The following NCALD variants were observed in gnomAD, a reference collection of about 807,000 sequenced individuals.
NCALD encodes neurocalcin delta, also known as neurocalcin-delta.
A neutral mutation model predicts 18.6 loss-of-function variants in NCALD; 10 were observed. The observed-to-expected ratio is 0.54, with a 90% CI of 0.33 to 0.91. NCALD has a LOEUF of 0.91. Ranked by LOEUF, NCALD falls within the 40% of genes least tolerant of loss-of-function variation. NCALD has a pLI of 0.03. For synonymous variants in NCALD, 88 were observed against 87.4 expected (o/e 1.01, Z -0.04); for missense variants, 184 against 247.6 (o/e 0.74, Z 1.72).
intron 4 of NCALD, among the ~76,000 whole-genome samples, chr8:101,842,635 C>T (rs1814691464): frequency 1.3e-5 from 2 of 152,218 alleles, no homozygotes; most frequent in Non-Finnish European, 2.9e-5. Flanking sequence ...GGGGGCTGTG[C>T]CAGTGATCTT....
rs1286267783 is a variant in NCALD, at chr8:101,774,588, C to T, written c.-20+16274G>A. ...AGGTAGAAAGAGCAAAAGAAAGAGA[C>T]ATATTTAGGTTACAAGGCACAACTT... On this transcript the variant is annotated intron_variant, in intron 1 of 3. Coordinates refer to ENST00000220931, the MANE Select transcript of NCALD (RefSeq NM_032041.3). Among the ~76,000 whole-genome samples, 5 of 152,290 alleles carry T rather than the reference C, an allele frequency of 3.3e-5. No homozygotes were observed. In the East Asian group the frequency reaches 5.8e-4, roughly 18 times the overall value.
chr8:101,986,381 C>A (rs1487570386), intron 2 of NCALD: 1 of 152,284 alleles, frequency 6.6e-6, no homozygotes, highest in African/African-American at 2.4e-5. Context: ...ATGGCTTCGC[C>A]TTGAACTGGT....
At chr8:102,001,710 G>A (rs1421098927) in intron 2 of NCALD, among the ~76,000 whole-genome samples, 1 of 152,140 alleles carries the variant, frequency 6.6e-6, no homozygotes, top group Non-Finnish European at 1.5e-5. Flanking sequence ...GAAGAGAGTG[G>A]GGGTCAATAT....
At chr8:101,722,772 A>C (rs1451170112) in intron 1 of NCALD, among the ~76,000 whole-genome samples, 1 of 152,208 alleles carries the variant, frequency 6.6e-6, no homozygotes, top group African/African-American at 2.4e-5. Context: ...TTTTTGGTAA[A>C]CAGTAATTAA....
chr8:101,761,790 A>G (rs1414727701), intron 1 of NCALD, among the ~76,000 whole-genome samples: 1 of 152,244 alleles, frequency 6.6e-6, no homozygotes, highest in Non-Finnish European at 1.5e-5. Flanking sequence ...AAGCATGGCC[A>G]GGTGACTAAG....
chr8:102,044,559 G>A (rs545657474), intron 1 of NCALD, among the ~76,000 whole-genome samples: 115 of 152,262 alleles, frequency 7.6e-4, no homozygotes, highest in African/African-American at 8.2e-4. Context: ...AGCCTATAAC[G>A]CGGTAATCAC....
At chr8:101,910,806 T>G (rs1395589701) in intron 3 of NCALD, among the ~76,000 whole-genome samples, 3 of 152,156 alleles carry the variant, frequency 2.0e-5, no homozygotes, top group Admixed American at 2.0e-4. Context: ...AAATCCCTGG[T>G]GAAGCTCAGT....
chr8:101,724,150 T>G (rs1816476670), intron 1 of NCALD, among the ~76,000 whole-genome samples: 1 of 152,252 alleles, frequency 6.6e-6, no homozygotes, highest in Non-Finnish European at 1.5e-5. Context: ...TTAACATTCT[T>G]GAATGACCAT....
intron 2 of NCALD, among the ~76,000 whole-genome samples, chr8:101,982,840 CA>C (rs34445002): frequency 0.31 from 34,578 of 112,086 alleles, 7,471 homozygotes; most frequent in African/African-American, 0.64. Context: ...GACCCCATCT[CA>C]AAAAAAAAAA....
intron 1 of NCALD, among the ~76,000 whole-genome samples, chr8:102,123,315 C>T (rs996410639): frequency 1.3e-5 from 2 of 152,146 alleles, no homozygotes; most frequent in African/African-American, 4.8e-5. Flanking sequence ...GCGGGGCTAG[C>T]GTGTAAGCAC....
chr8:101,858,190 A>T (rs1282204882), intron 4 of NCALD, among the ~76,000 whole-genome samples: 1 of 152,184 alleles, frequency 6.6e-6, no homozygotes, highest in African/African-American at 2.4e-5. Flanking sequence ...GATGAAGAAG[A>T]GATAACATGA....
chr8:101,926,142 A>C (rs1373810761), intron 2 of NCALD, among the ~76,000 whole-genome samples: 1 of 152,120 alleles, frequency 6.6e-6, no homozygotes, highest in Admixed American at 6.5e-5. Flanking sequence ...TGGGCATTTA[A>C]ATCTGCAGCC....
At chr8:102,079,191 G>A (rs1227530322) in intron 1 of NCALD, among the ~76,000 whole-genome samples, 1 of 152,174 alleles carries the variant, frequency 6.6e-6, no homozygotes, top group East Asian at 1.9e-4. Context: ...CTTTATCTCA[G>A]CTAGCTTCAG....
At chr8:102,057,477 G>T (rs1036402170) in intron 1 of NCALD, among the ~76,000 whole-genome samples, 5 of 151,930 alleles carry the variant, frequency 3.3e-5, no homozygotes, top group Non-Finnish European at 7.4e-5. Flanking sequence ...GTTGTCTCTG[G>T]GTATGTTTGG....
rs182558713 is a variant in NCALD at position 101,943,575 on chromosome 8, G to C, written c.-156-27717C>G. ...TATCCCAGTCACTCCTGGAGCAGGG[G>C]AGAGAGCTGAAGAGGCATCACGTTA... On this transcript the variant is annotated intron_variant, in intron 2 of 6. Transcript: ENST00000311028. Among the ~76,000 whole-genome samples, 5 of 152,294 alleles carry C rather than the reference G, an allele frequency of 3.3e-5. No individual in the cohort carries two copies. In the East Asian group the frequency reaches 7.7e-4, roughly 24 times the overall value.
intron 4 of NCALD, among the ~76,000 whole-genome samples, chr8:101,857,873 A>T (rs79034108): frequency 6.6e-6 from 1 of 152,216 alleles, no homozygotes; most frequent in African/African-American, 2.4e-5. Flanking sequence ...GCTCCAGGCA[A>T]ACCAGTTCAC....
rs142711600 is a variant in NCALD, at chr8:101,816,025, A to T, written c.-20+71116T>A. 7.4e-4 allele frequency among the ~76,000 whole-genome samples: 112 copies of T among 152,292 alleles called. No individual in the cohort carries two copies. The East Asian group carries it at 0.019, about 26-fold the overall frequency. On this transcript the variant is annotated intron_variant, in intron 4 of 6. Transcript: ENST00000311028. ...GTCCTTAAATACATATTACTAAATG[A>T]AAGAAGACAATATGAAAAGGCTACA... is the stretch of plus-strand genomic sequence containing the variant.
At chr8:101,934,728 G>A (rs1015673011) in intron 2 of NCALD, among the ~76,000 whole-genome samples, 2 of 152,138 alleles carry the variant, frequency 1.3e-5, no homozygotes, top group East Asian at 3.9e-4. Flanking sequence ...GTGAAGAAGT[G>A]GAGGCAGCGT....
intron 2 of NCALD, among the ~76,000 whole-genome samples, chr8:102,014,787 A>AC (rs1304119597): frequency 6.6e-6 from 1 of 152,198 alleles, no homozygotes; most frequent in Admixed American, 6.5e-5. Context: ...TACAAAGTCG[A>AC]CTGCAAAAAA....
Sources: allele counts gnomAD v4.1 joint callset (sites outside exome capture counted in the v4.1 genomes callset), GRCh38; gene constraint gnomAD v4.1.1; transcripts MANE v1.5; gene names NCBI Gene and HGNC (gene_info 2026-07-23, HGNC 2026-07-21).